The following ERCC1 variants were observed in gnomAD, a reference collection of about 807,000 sequenced individuals.
The protein encoded by ERCC1 is DNA excision repair protein ERCC-1.
A neutral mutation model predicts 37.6 loss-of-function variants in ERCC1; 36 were observed. The observed-to-expected ratio is 0.96, with a 90% CI of 0.73 to 1.26. The LOEUF (loss-of-function observed/expected upper bound fraction) is 1.26, where lower values mean the gene tolerates loss of function less well. Ranked by LOEUF, ERCC1 falls within the 50% of genes most tolerant of loss-of-function variation. The pLI is 0.00. For synonymous variants in ERCC1, 156 were observed against 162.1 expected (o/e 0.96, Z 0.28); for missense variants, 349 against 376.5 (o/e 0.93, Z 0.60).
intron 2 of ERCC1, 71 bp downstream of exon 2, chr19:45,423,199 C>A: frequency 6.8e-7 from 1 of 1,466,162 alleles, no homozygotes; most frequent in Non-Finnish European, 9.4e-7. Flanking sequence ...CCTGGTCCCA[C>A]AGGCCCCATC....
chr19:45,440,421 A>C (rs1236401422), intron 1 of ERCC1, among the ~76,000 whole-genome samples: 2 of 152,104 alleles, frequency 1.3e-5, no homozygotes, highest in African/African-American at 4.8e-5. Flanking sequence ...GATCACAGGG[A>C]GTCAGGAGAC....
chr19:45,416,829 G>A lies in ERCC1; in HGVS notation c.594C>T (p.Leu198=), dbSNP rs375782694. 593 of 1,613,124 alleles carry A rather than the reference G, an allele frequency of 3.7e-4. 1 individual carries two copies. Among genetic ancestry groups the A allele is most frequent in the Non-Finnish European group, 4.7e-4 (558 of 1,179,302 alleles). ...GGAAGCCCTCATCTCACCTCCAGGC[G>A]AGGATCAATGTGCAGTCGGCCAGGA... is the stretch of plus-strand genomic sequence containing the variant. The part of the protein sequence containing the change: ...MCILADCTLI[L]AWSPEEAGRY... The change falls in exon 6 of 10, where the codon CTC becomes CTT. Residue 198 remains leucine, a synonymous_variant. Coordinates refer to ENST00000300853, the MANE Select transcript of ERCC1 (RefSeq NM_001983.4).
chr19:45,450,428 C>T (rs923723768), intron 1 of ERCC1, among the ~76,000 whole-genome samples: 3 of 152,196 alleles, frequency 2.0e-5, no homozygotes, highest in African/African-American at 7.2e-5. Context: ...TTCCGCCACG[C>T]GGCCGGCCGA....
chr19:45,436,792 T>C (rs1911998304), intron 1 of ERCC1: 1 of 152,066 alleles, frequency 6.6e-6, no homozygotes, highest in South Asian at 2.1e-4. Flanking sequence ...CCTAAACATT[T>C]AAAACGACAT....
At chr19:45,424,078 G>T (rs920857766), upstream of ERCC1, 1 of 1,039,938 alleles carries the variant, frequency 9.6e-7, no homozygotes, top group African/African-American at 1.7e-5. Flanking sequence ...CTTACTGAGC[G>T]CTTCTGTGTG....
At chr19:45,425,278 G>A (rs1303785300), upstream of ERCC1, among the ~76,000 whole-genome samples, 1 of 151,522 alleles carries the variant, frequency 6.6e-6, no homozygotes, top group African/African-American at 2.4e-5. Context: ...TAAAAGCCCC[G>A]TGTTGTCCTC....
upstream of ERCC1, among the ~76,000 whole-genome samples, chr19:45,427,019 C>G (rs1974711517): frequency 7.0e-6 from 1 of 142,910 alleles, no homozygotes; most frequent in South Asian, 2.4e-4. Context: ...GTCCCAGATA[C>G]TCAGGAGGCT....
intron 1 of ERCC1, among the ~76,000 whole-genome samples, chr19:45,431,570 G>A (rs145179135): frequency 3.3e-5 from 5 of 152,160 alleles, no homozygotes; most frequent in South Asian, 2.1e-4. Context: ...CCAGCTACTT[G>A]GGAGGCTAAG....
At chr19:45,413,315 G>A (rs946364027) in intron 9 of ERCC1, 27 of 528,590 alleles carry the variant, frequency 5.1e-5, no homozygotes, top group African/African-American at 4.6e-4. Context: ...CACCCAGGCT[G>A]GAGCGTAGTA....
intron 6 of ERCC1, among the ~76,000 whole-genome samples, chr19:45,416,185 A>C (rs1974059152): frequency 6.6e-6 from 1 of 152,198 alleles, no homozygotes; most frequent in African/African-American, 2.4e-5. Context: ...AAGATCAGAG[A>C]ATACTCTGGA....
intron 1 of ERCC1, 71 bp from the exon 2 acceptor site, chr19:45,423,452 C>CA (rs1423168615): frequency 9.7e-6 from 15 of 1,539,098 alleles, no homozygotes; most frequent in Middle Eastern, 1.9e-4. Context: ...AGGAACCCCC[C>CA]ACTCACAGCC....
chr19:45,411,416 A>G (rs1262824349), intron 9 of ERCC1, among the ~76,000 whole-genome samples: 2 of 152,182 alleles, frequency 1.3e-5, no homozygotes, highest in African/African-American at 4.8e-5. Context: ...CATCAAAAGT[A>G]TATGAGGGTT....
chr19:45,408,195 A>G lies in ERCC1; in HGVS notation c.*1480T>C, dbSNP rs1462870277. 1 of 1,613,460 alleles carries G rather than the reference A, an allele frequency of 6.2e-7. No homozygotes were observed. Among genetic ancestry groups the G allele is most frequent in the South Asian group, 1.1e-5 (1 of 91,030 alleles). ...ATCGTCAAGGGCAAATTGGCAGGCA[A>G]GCGGCACCGCTATCGAGTCCTCAGC... On this transcript the variant is annotated 3_prime_UTR_variant, in exon 10 of 10. Transcript: ENST00000300853.
chr19:45,444,352 G>A (rs1340978253), intron 1 of ERCC1, among the ~76,000 whole-genome samples: 2 of 148,798 alleles, frequency 1.3e-5, no homozygotes, highest in African/African-American at 4.9e-5. Context: ...CCCCTCCCGG[G>A]CGCGCTCCCA....
At chr19:45,415,192 G>A (rs1973980162) in intron 6 of ERCC1, among the ~76,000 whole-genome samples, 1 of 151,960 alleles carries the variant, frequency 6.6e-6, no homozygotes, top group Admixed American at 6.6e-5. Context: ...AAAAGTAGCT[G>A]GGCTTGGTGG....
At chr19:45,446,350 C>A (rs567476215) in intron 1 of ERCC1, among the ~76,000 whole-genome samples, 33 of 152,194 alleles carry the variant, frequency 2.2e-4, no homozygotes, top group African/African-American at 7.5e-4. Flanking sequence ...ATTCTGGAGG[C>A]CTTTGAGTTA....
chr19:45,421,664 T>G (rs1409759641), intron 2 of ERCC1, among the ~76,000 whole-genome samples: 1 of 150,430 alleles, frequency 6.6e-6, no homozygotes, highest in Non-Finnish European at 1.5e-5. Context: ...GATGGAGTCT[T>G]GCTCTGTCAC....
At chr19:45,439,105 G>C (rs1975053779) in intron 1 of ERCC1, among the ~76,000 whole-genome samples, 1 of 152,042 alleles carries the variant, frequency 6.6e-6, no homozygotes, top group South Asian at 2.1e-4. Flanking sequence ...AGAATTTCTT[G>C]CACCCAGGAG....
At chr19:45,416,926 T>C in intron 5 of ERCC1, 29 bp from the exon 6 acceptor site, 1 of 1,566,630 alleles carries the variant, frequency 6.4e-7, no homozygotes, top group Non-Finnish European at 8.8e-7. Context: ...ATTAGAAACC[T>C]AGAAGCCAGG....
Sources: allele counts gnomAD v4.1 joint callset (sites outside exome capture counted in the v4.1 genomes callset), GRCh38; gene constraint gnomAD v4.1.1; transcripts MANE v1.5; gene names NCBI Gene and HGNC (gene_info 2026-07-23, HGNC 2026-07-21).